The following ANK3 variants were observed in gnomAD, a reference collection of about 807,000 sequenced individuals.
ANK3 encodes ankyrin-3.
ANK3 carries 57 observed loss-of-function variants against 370.9 expected under a neutral mutation model. The ratio of observed to expected loss-of-function variants is 0.15; its 90% CI spans 0.12 to 0.19. The LOEUF (loss-of-function observed/expected upper bound fraction) is 0.19, where lower values mean the gene tolerates loss of function less well. ANK3 is among the 10% of genes least tolerant of loss of function. The probability of loss-of-function intolerance (pLI) is 1.00; values close to 1 mark genes in which losing one functional copy is unlikely to be tolerated. For synonymous variants in ANK3, 1,929 were observed against 1,946.3 expected, an observed-to-expected ratio of 0.99 and a Z score of 0.23; for missense variants, 4,439 against 5,302.1, an observed-to-expected ratio of 0.84 and a Z score of 5.06.
At chr10:60,366,526 C>T (rs1395060383) in intron 1 of ANK3, among the ~76,000 whole-genome samples, 2 of 151,536 alleles carry the variant, frequency 1.3e-5, no homozygotes, top group Non-Finnish European at 2.9e-5. Flanking sequence ...GGATATGTGC[C>T]TGAAATGGTT....
intron 23 of ANK3, among the ~76,000 whole-genome samples, chr10:60,145,602 G>A (rs1012867176): frequency 1.3e-5 from 2 of 152,076 alleles, no homozygotes; most frequent in South Asian, 2.1e-4. Context: ...AAACAGAATT[G>A]TTATTTCCAT....
chr10:60,171,164 C>A (rs1336902034), intron 21 of ANK3, among the ~76,000 whole-genome samples: 1 of 152,110 alleles, frequency 6.6e-6, no homozygotes, highest in Non-Finnish European at 1.5e-5. Context: ...ATGAAAGCAA[C>A]ATGTGGAAAT....
chr10:60,334,288 A>G (rs2052226954), intron 1 of ANK3, among the ~76,000 whole-genome samples: 1 of 152,158 alleles, frequency 6.6e-6, no homozygotes, highest in African/African-American at 2.4e-5. Flanking sequence ...TTAATTTGAA[A>G]CTGTACTTCA....
chr10:60,102,114 C>T (rs3793859), intron 28 of ANK3, among the ~76,000 whole-genome samples: 39,352 of 149,652 alleles, frequency 0.26, 6,464 homozygotes, highest in Non-Finnish European at 0.37. Context: ...TGTCTTTGTA[C>T]GATTTGGAAA....
intron 1 of ANK3, chr10:60,300,518 G>A: frequency 1.6e-6 from 2 of 1,227,844 alleles, no homozygotes; most frequent in Admixed American, 2.9e-5. Flanking sequence ...TTAAATGGAG[G>A]GTGGGCGGGG....
chr10:60,691,264 C>G (rs1051084445), intron 1 of ANK3, among the ~76,000 whole-genome samples: 1 of 151,970 alleles, frequency 6.6e-6, no homozygotes, highest in Non-Finnish European at 1.5e-5. Flanking sequence ...GCAGTATATC[C>G]AGGTAACAAA....
intron 42 of ANK3, chr10:60,053,573 T>G (rs2131904186): frequency 1.1e-6 from 1 of 875,006 alleles, no homozygotes; most frequent in Non-Finnish European, 1.6e-6. Flanking sequence ...GTGAATTATC[T>G]AGGAATTGGT....
intron 8 of ANK3, among the ~76,000 whole-genome samples, chr10:60,224,580 C>T (rs890992770): frequency 5.9e-5 from 9 of 152,138 alleles, no homozygotes; most frequent in East Asian, 1.9e-4. Context: ...GACACAAATT[C>T]GTGGTTTGGG....
At chr10:60,288,206 C>T (rs775780163) in intron 1 of ANK3, among the ~76,000 whole-genome samples, 4 of 152,162 alleles carry the variant, frequency 2.6e-5, no homozygotes, top group African/African-American at 7.2e-5. Context: ...GACCAACAGA[C>T]GCACCTACTA....
chr10:60,140,242 A>T, intron 23 of ANK3: 1 of 1,159,320 alleles, frequency 8.6e-7, no homozygotes, highest in Non-Finnish European at 1.3e-6. Flanking sequence ...TACTGCTGCT[A>T]CCCAGTACCA....
intron 25 of ANK3, among the ~76,000 whole-genome samples, chr10:60,116,947 G>C (rs533543690): frequency 6.6e-6 from 1 of 152,128 alleles, no homozygotes; most frequent in East Asian, 1.9e-4. Flanking sequence ...CGGAGACAAA[G>C]ACAGGGTCTA....
At chr10:60,308,090 G>C (rs2045543484) in intron 1 of ANK3, among the ~76,000 whole-genome samples, 1 of 152,200 alleles carries the variant, frequency 6.6e-6, no homozygotes, top group South Asian at 2.1e-4. Context: ...CATTGAGCCT[G>C]TAAGAGGGCA....
intron 1 of ANK3, among the ~76,000 whole-genome samples, chr10:60,661,362 G>C (rs1034686696): frequency 2.0e-5 from 3 of 152,118 alleles, no homozygotes; most frequent in African/African-American, 7.2e-5. Context: ...TAAAACTACT[G>C]TAAATTCTAG....
chr10:60,189,824 A>T (rs1413470872), intron 16 of ANK3, among the ~76,000 whole-genome samples: 1 of 152,244 alleles, frequency 6.6e-6, no homozygotes, highest in Non-Finnish European at 1.5e-5. Context: ...ATAAAAGCAA[A>T]TGCAATTTGA....
At position 60,615,330 on chromosome 10, in the gene ANK3, T is replaced by G. The variant is rs1595352079; in HGVS notation, c.58-106A>C. 7.5e-6 allele frequency: 5 copies of G among 667,646 alleles called. No homozygotes were observed. In the South Asian group the frequency reaches 1.2e-4, roughly 16 times the overall value. 41.4% of individuals were successfully genotyped at this position (667,646 alleles called of 1,614,324 possible). A position where few individuals can be genotyped will look rare whatever the true frequency, so the allele number is the denominator to read the frequency against. ...ATTATTAATTGACTTATAAACATAG[T>G]AAGTTCCTTAAAAGGGGAGAACACA... is the stretch of plus-strand genomic sequence containing the variant. On this transcript the variant is annotated intron_variant, in intron 1 of 43. Transcript: ENST00000373827.
chr10:60,196,458 G>A (rs2096586674), intron 15 of ANK3, 69 bp downstream of exon 15: 2 of 1,104,578 alleles, frequency 1.8e-6, no homozygotes, highest in African/African-American at 1.6e-5. Flanking sequence ...GGCTATTAGT[G>A]AATATTAGCA....
chr10:60,331,550 G>A (rs2051307041), intron 1 of ANK3, among the ~76,000 whole-genome samples: 1 of 148,582 alleles, frequency 6.7e-6, no homozygotes, highest in Non-Finnish European at 1.5e-5. Context: ...AAACCCCCCT[G>A]TGAAGTTAAA....
At chr10:60,337,023 CT>C (rs199693097) in intron 1 of ANK3, among the ~76,000 whole-genome samples, 2 of 109,408 alleles carry the variant, frequency 1.8e-5, no homozygotes, top group African/African-American at 3.1e-5. Context: ...AAGAAAAAGG[CT>C]TTAAAAAAAA....
intron 7 of ANK3, among the ~76,000 whole-genome samples, chr10:60,249,232 T>A (rs2097606195): frequency 6.6e-6 from 1 of 152,238 alleles, no homozygotes; most frequent in South Asian, 2.1e-4. Flanking sequence ...TACTCTACTT[T>A]GAGGAAAGTT....
Sources: gnomAD v4.1 joint callset for allele counts (sites outside exome capture counted in the v4.1 genomes callset) on GRCh38, gnomAD v4.1.1 for gene constraint, MANE v1.5 for transcripts, NCBI Gene and HGNC (gene_info 2026-07-23, HGNC 2026-07-21) for gene names.